MRPL3: variants seen among roughly 807,000 people sequenced by gnomAD.
MRPL3 encodes large ribosomal subunit protein uL3m.
Under a neutral mutation model 44.3 loss-of-function variants are expected in MRPL3, and 43 were observed. The observed-to-expected ratio is 0.97, with a 90% CI of 0.76 to 1.25. The LOEUF (loss-of-function observed/expected upper bound fraction) is 1.25, where lower values mean the gene tolerates loss of function less well. Ranked by LOEUF, MRPL3 falls within the 50% of genes most tolerant of loss-of-function variation. The pLI is 0.00. For synonymous variants in MRPL3, 171 were observed against 152.3 expected, an observed-to-expected ratio of 1.12 and a Z score of -0.91; for missense variants, 406 against 427.6, an observed-to-expected ratio of 0.95 and a Z score of 0.45.
At chr3:131,501,071 T>C (rs998562721) in intron 2 of MRPL3, among the ~76,000 whole-genome samples, 2 of 152,208 alleles carry the variant, frequency 1.3e-5, no homozygotes, top group African/African-American at 2.4e-5. Flanking sequence ...ACACACTTAA[T>C]AGAAAAGGCC....
chr3:131,487,600 G>A (rs895127028), intron 6 of MRPL3, 80 bp downstream of exon 6: 3 of 1,090,526 alleles, frequency 2.8e-6, no homozygotes, highest in Non-Finnish European at 4.1e-6. Flanking sequence ...TGACTTGAAA[G>A]ACTGTACTTC....
chr3:131,498,236 G>C lies in MRPL3; in HGVS notation c.411C>G (p.Asn137Lys). 6.2e-7 allele frequency: 1 copy of C among 1,612,434 alleles called. No individual in the cohort carries two copies. Among genetic ancestry groups the C allele is most frequent in the Non-Finnish European group, 8.5e-7 (1 of 1,178,676 alleles). The stretch of plus-strand genomic sequence containing the variant: ...ACAGGGTTGCCATTTTTCCATTACA[G>C]TTTTCCTTTGACGTATATTTTAAGA... ...CHVLKYTSKE[N>K]CNGKMATLSV... The change falls in exon 4 of 10, where the codon AAC (asparagine) becomes AAG (lysine). Residue 137 changes from asparagine (N) to lysine (K), a missense_variant. By Grantham distance (94) the Asn-to-Lys change is moderately conservative. Coordinates refer to ENST00000264995, the MANE Select transcript of MRPL3 (RefSeq NM_007208.4).
intron 1 of MRPL3, chr3:131,501,976 A>T (rs79180480): frequency 4.9e-6 from 7 of 1,438,616 alleles, no homozygotes; most frequent in Middle Eastern, 2.3e-4. Flanking sequence ...TCCCCAAAAA[A>T]CAGTCCTACC....
At chr3:131,464,663 C>T (rs1441762162) in intron 9 of MRPL3, among the ~76,000 whole-genome samples, 1 of 152,188 alleles carries the variant, frequency 6.6e-6, no homozygotes, top group Non-Finnish European at 1.5e-5. Flanking sequence ...TACATTTATA[C>T]TTATTATGCT....
Position 131,500,472 on chromosome 3 carries a change from T to C in MRPL3, c.327A>G (p.Leu109=). The change falls in exon 3 of 10, where the codon TTA becomes TTG. Residue 109 remains leucine (L), a synonymous_variant. Coordinates refer to ENST00000264995, the MANE Select transcript of MRPL3 (RefSeq NM_007208.4). ...CATGCTTTTGACCATCCTTGGTCCA[T>C]AAAGGCATCATGCCCAGCTTCAAGG... ...LIALKLGMMP[L]WTKDGQKHVV... 2 of 1,613,906 alleles carry C rather than the reference T, an allele frequency of 1.2e-6. No homozygotes were observed. The highest frequency in any genetic ancestry group is 1.7e-6 in the Non-Finnish European group (2 of 1,179,882).
chr3:131,500,577 T>A, intron 2 of MRPL3, 56 bp from the exon 3 acceptor site: 2 of 1,439,226 alleles, frequency 1.4e-6, no homozygotes, highest in Non-Finnish European at 1.9e-6. Flanking sequence ...TTCACCAACA[T>A]TATGAAATCG....
intron 6 of MRPL3, 77 bp downstream of exon 6, chr3:131,487,603 T>C: frequency 9.1e-7 from 1 of 1,097,278 alleles, no homozygotes; most frequent in Non-Finnish European, 1.4e-6. Context: ...CTTGAAAGAC[T>C]GTACTTCTTT....
At chr3:131,495,512 C>T (rs538092420) in intron 4 of MRPL3, among the ~76,000 whole-genome samples, 42 of 152,158 alleles carry the variant, frequency 2.8e-4, no homozygotes, top group Admixed American at 6.5e-5. Context: ...TCAAAGTTTA[C>T]GTAAATTAAG....
At chr3:131,489,846 G>T in intron 5 of MRPL3, 135 bp downstream of exon 5, 81 of 427,506 alleles carry the variant, frequency 1.9e-4, no homozygotes, top group Middle Eastern at 7.3e-4. Flanking sequence ...AAAACAAAAT[G>T]AGATACAGTT....
intron 4 of MRPL3, among the ~76,000 whole-genome samples, chr3:131,490,830 G>C (rs895939005): frequency 1.3e-5 from 2 of 152,194 alleles, no homozygotes; most frequent in African/African-American, 2.4e-5. Flanking sequence ...TCACTGTCTA[G>C]TGTGGGGTCT....
chr3:131,484,185 G>C (rs1166781100), intron 6 of MRPL3, among the ~76,000 whole-genome samples: 1 of 152,182 alleles, frequency 6.6e-6, no homozygotes. Flanking sequence ...CTAGGTAGAG[G>C]AGTGAGGAGG....
At chr3:131,502,124 G>C (rs1391483692) in intron 1 of MRPL3, among the ~76,000 whole-genome samples, 1 of 152,202 alleles carries the variant, frequency 6.6e-6, no homozygotes, top group Non-Finnish European at 1.5e-5. Flanking sequence ...CCTAGGTTCA[G>C]AGAAGTGAAG....
intron 6 of MRPL3, among the ~76,000 whole-genome samples, chr3:131,476,660 A>C (rs140059669): frequency 6.6e-6 from 1 of 152,348 alleles, no homozygotes; most frequent in East Asian, 1.9e-4. Flanking sequence ...TAAAAGATGT[A>C]TTTTATTTAG....
At position 131,475,859 on chromosome 3, in the gene MRPL3, T is replaced by C. The variant is rs78131119; in HGVS notation, c.630-4580A>G. Among the ~76,000 whole-genome samples the C allele has an allele frequency of 9.7e-4, 147 of 152,282 alleles. 2 individuals are homozygous for C. In the East Asian group the frequency reaches 0.026, roughly 27 times the overall value. ...TGGCAATTTAAAAATGAAAAGGAAATACCTAAAGAGTAATTTGAACTTACC... is the reference window on the plus strand; with the variant it reads ...TGGCAATTTAAAAATGAAAAGGAAACACCTAAAGAGTAATTTGAACTTACC... On this transcript the variant is annotated intron_variant, in intron 6 of 9. Coordinates refer to ENST00000264995, the MANE Select transcript of MRPL3 (RefSeq NM_007208.4).
intron 6 of MRPL3, among the ~76,000 whole-genome samples, chr3:131,482,214 C>A (rs893407772): frequency 6.6e-6 from 1 of 152,104 alleles, no homozygotes. Flanking sequence ...CTCCACCCCC[C>A]TCCCCTTAAT....
chr3:131,480,373 T>TA (rs1189306379), intron 6 of MRPL3, among the ~76,000 whole-genome samples: 3 of 152,222 alleles, frequency 2.0e-5, no homozygotes, highest in African/African-American at 4.8e-5. Flanking sequence ...TCCATTCACA[T>TA]AGAGTTAGAA....
At chr3:131,484,587 A>G (rs185147508) in intron 6 of MRPL3, among the ~76,000 whole-genome samples, 2 of 152,346 alleles carry the variant, frequency 1.3e-5, no homozygotes, top group African/African-American at 4.8e-5. Flanking sequence ...AAAAGAAAAA[A>G]AAAGTTAAAC....
At chr3:131,498,350 G>A in intron 3 of MRPL3, 73 bp from the exon 4 acceptor site, 1 of 888,994 alleles carries the variant, frequency 1.1e-6, no homozygotes, top group Non-Finnish European at 1.8e-6. Context: ...GCCCCATTGA[G>A]ACCTTAGGAC....
chr3:131,470,870 AACTGAT>A (rs1245821844), intron 7 of MRPL3, among the ~76,000 whole-genome samples: 2 of 152,304 alleles, frequency 1.3e-5, no homozygotes, highest in South Asian at 2.1e-4. Context: ...CAGAATTGTT[AACTGAT>A]ACTAATTCAA....
Sources: allele counts gnomAD v4.1 joint callset (sites outside exome capture counted in the v4.1 genomes callset), GRCh38; gene constraint gnomAD v4.1.1; transcripts MANE v1.5; gene names NCBI Gene and HGNC (gene_info 2026-07-23, HGNC 2026-07-21).